CTNNA2: variants seen among roughly 807,000 people sequenced by gnomAD.
CTNNA2 encodes the protein catenin alpha-2.
A neutral mutation model predicts 101.0 loss-of-function variants in CTNNA2; 42 were observed. That is an observed-to-expected ratio of 0.42 (90% confidence interval 0.32 to 0.54). The LOEUF (loss-of-function observed/expected upper bound fraction) is 0.54, where lower values mean the gene tolerates loss of function less well. Ranked by LOEUF, CTNNA2 falls within the 20% of genes least tolerant of loss-of-function variation. The pLI, the probability that CTNNA2 is intolerant of heterozygous loss-of-function variation, is 0.14. For synonymous variants in CTNNA2, 450 were observed against 456.4 expected (o/e 0.99, Z 0.18); for missense variants, 871 against 1,223.1 (o/e 0.71, Z 4.29).
intron 7 of CTNNA2, among the ~76,000 whole-genome samples, chr2:80,287,539 G>A (rs957994949): frequency 6.6e-6 from 1 of 152,112 alleles, no homozygotes; most frequent in East Asian, 1.9e-4. Context: ...TGATGGTGAC[G>A]ATACTGACGA....
intron 4 of CTNNA2, among the ~76,000 whole-genome samples, chr2:79,475,670 C>T (rs959025579): frequency 3.8e-5 from 4 of 105,632 alleles, no homozygotes; most frequent in Non-Finnish European, 7.7e-5. Flanking sequence ...TATTTTTCAT[C>T]TTTGAATACT....
chr2:80,461,215 C>T (rs539332006), intron 9 of CTNNA2, among the ~76,000 whole-genome samples: 14 of 152,292 alleles, frequency 9.2e-5, no homozygotes, highest in African/African-American at 3.1e-4. Context: ...ACCACCCACC[C>T]TCAATATCTG....
At chr2:80,413,356 C>T (rs527768301) in intron 8 of CTNNA2, among the ~76,000 whole-genome samples, 5 of 152,286 alleles carry the variant, frequency 3.3e-5, no homozygotes, top group Non-Finnish European at 5.9e-5. Flanking sequence ...TCATGAAAGA[C>T]AGTTGGTTTC....
At chr2:80,579,725 A>G (rs1695365282) in intron 13 of CTNNA2, among the ~76,000 whole-genome samples, 2 of 152,252 alleles carry the variant, frequency 1.3e-5, no homozygotes, top group South Asian at 4.1e-4. Flanking sequence ...GATATGCCAA[A>G]GCTTGGAAAA....
At chr2:79,894,381 G>A (rs1289799460) in intron 6 of CTNNA2, among the ~76,000 whole-genome samples, 1 of 148,120 alleles carries the variant, frequency 6.8e-6, no homozygotes, top group African/African-American at 2.5e-5. Flanking sequence ...GGTAAGCCCA[G>A]CCTTTCTAAA....
At chr2:79,485,883 G>T (rs1249259671) in intron 4 of CTNNA2, among the ~76,000 whole-genome samples, 1 of 152,012 alleles carries the variant, frequency 6.6e-6, no homozygotes, top group African/African-American at 2.4e-5. Context: ...CTTCATTATG[G>T]ATATCTTGCA....
At chr2:80,031,359 A>T (rs913210583) in intron 7 of CTNNA2, among the ~76,000 whole-genome samples, 3 of 152,210 alleles carry the variant, frequency 2.0e-5, no homozygotes, top group East Asian at 1.9e-4. Flanking sequence ...GGTTTAATGG[A>T]CTTAACAGTT....
At chr2:80,065,398 C>T (rs1308781133) in intron 7 of CTNNA2, among the ~76,000 whole-genome samples, 2 of 149,592 alleles carry the variant, frequency 1.3e-5, no homozygotes, top group Non-Finnish European at 1.5e-5. Flanking sequence ...CTTGCTCTGT[C>T]ACCAGGCTGG....
At chr2:79,436,514 T>A (rs963315216) in intron 4 of CTNNA2, among the ~76,000 whole-genome samples, 1 of 152,182 alleles carries the variant, frequency 6.6e-6, no homozygotes, top group African/African-American at 2.4e-5. Flanking sequence ...ACCTAGAGAT[T>A]CTGATTTCAT....
At chr2:79,736,151 A>T (rs1558883482) in intron 2 of CTNNA2, among the ~76,000 whole-genome samples, 2 of 152,176 alleles carry the variant, frequency 1.3e-5, no homozygotes, top group Non-Finnish European at 2.9e-5. Flanking sequence ...TTGCGTCAGA[A>T]TTTGTATAAC....
intron 1 of CTNNA2, among the ~76,000 whole-genome samples, chr2:79,572,556 A>G (rs1675523088): frequency 1.3e-5 from 2 of 152,162 alleles, no homozygotes; most frequent in Admixed American, 6.5e-5. Flanking sequence ...GTTTGAGACC[A>G]GCCTGGCAAA....
intron 7 of CTNNA2, among the ~76,000 whole-genome samples, chr2:80,259,103 G>A (rs1672399836): frequency 6.6e-6 from 1 of 151,976 alleles, no homozygotes; most frequent in African/African-American, 2.4e-5. Flanking sequence ...TTGACTCATG[G>A]CCCTAATTAG....
chr2:80,383,718 A>G (rs1452366637), intron 7 of CTNNA2, among the ~76,000 whole-genome samples: 1 of 152,078 alleles, frequency 6.6e-6, no homozygotes, highest in Non-Finnish European at 1.5e-5. Flanking sequence ...ATAGATTAGA[A>G]CTGGACCATT....
At chr2:79,921,489 T>G (rs1298336615) in intron 7 of CTNNA2, among the ~76,000 whole-genome samples, 1 of 152,156 alleles carries the variant, frequency 6.6e-6, no homozygotes, top group Non-Finnish European at 1.5e-5. Context: ...TCACCAGCAC[T>G]TTGCCCTGCG....
intron 7 of CTNNA2, among the ~76,000 whole-genome samples, chr2:80,166,686 C>A (rs886207031): frequency 6.6e-6 from 1 of 152,116 alleles, no homozygotes; most frequent in South Asian, 2.1e-4. Context: ...GATGACAGGT[C>A]ACAGTCTGGG....
intron 7 of CTNNA2, chr2:80,328,350 G>T (rs1304262198): frequency 8.5e-6 from 4 of 470,966 alleles, no homozygotes; most frequent in Non-Finnish European, 1.3e-5. Flanking sequence ...GTTGTGTGAG[G>T]TAAAAAGGCA....
chr2:80,283,689 C>T (rs1006755959), intron 7 of CTNNA2, among the ~76,000 whole-genome samples: 14 of 152,168 alleles, frequency 9.2e-5, no homozygotes, highest in Admixed American at 8.5e-4. Flanking sequence ...TCTGGTTCAC[C>T]CTAATGCAGC....
At chr2:79,254,715 C>T (rs1259598245) in intron 2 of CTNNA2, among the ~76,000 whole-genome samples, 1 of 152,182 alleles carries the variant, frequency 6.6e-6, no homozygotes, top group East Asian at 1.9e-4. Flanking sequence ...GAATTAGCAA[C>T]TTATAGCCCC....
chr2:79,448,602 G>A (rs1179681656), intron 4 of CTNNA2, among the ~76,000 whole-genome samples: 1 of 152,024 alleles, frequency 6.6e-6, no homozygotes, highest in Non-Finnish European at 1.5e-5. Flanking sequence ...ATTATAGGCA[G>A]CAGTTGGTAT....
Sources: gnomAD v4.1 joint callset for allele counts (sites outside exome capture counted in the v4.1 genomes callset) on GRCh38, gnomAD v4.1.1 for gene constraint, MANE v1.5 for transcripts, NCBI Gene and HGNC (gene_info 2026-07-23, HGNC 2026-07-21) for gene names.